The following PPP3R1 variants were observed in gnomAD, a reference collection of about 807,000 sequenced individuals.
The protein encoded by PPP3R1 is calcineurin subunit B type 1.
A neutral mutation model predicts 22.6 loss-of-function variants in PPP3R1; 5 were observed. That is an observed-to-expected ratio of 0.22 (90% confidence interval 0.12 to 0.46). The LOEUF (loss-of-function observed/expected upper bound fraction) is 0.46, where lower values mean the gene tolerates loss of function less well. Ranked by LOEUF, PPP3R1 falls within the 20% of genes least tolerant of loss-of-function variation. The pLI is 0.99. For missense variants in PPP3R1, 61 were observed against 203.2 expected, an observed-to-expected ratio of 0.30 and a Z score of 4.25; for synonymous variants, 56 against 65.2, an observed-to-expected ratio of 0.86 and a Z score of 0.68.
At chr2:68,210,093 C>A (rs1234716950) in intron 2 of PPP3R1, among the ~76,000 whole-genome samples, 1 of 152,160 alleles carries the variant, frequency 6.6e-6, no homozygotes, top group Non-Finnish European at 1.5e-5. Flanking sequence ...GCAAGCCCAG[C>A]CTCATGAAAC....
chr2:68,201,834 G>A lies in PPP3R1; in HGVS notation c.44-13144C>T, dbSNP rs148205055. On this transcript the variant is annotated intron_variant, in intron 2 of 5. Transcript: ENST00000234310. ...GCCTTCTACCAACTACTGCTGCTGT[G>A]AAGAAGTCCAATGCCAGCGGACTCC... Among the ~76,000 whole-genome samples the A allele has an allele frequency of 2.0e-5, 3 of 152,322 alleles. No individual in the cohort carries two copies. In the East Asian group the frequency reaches 5.8e-4, roughly 29 times the overall value.
At chr2:68,226,718 C>T (rs961956028) in intron 1 of PPP3R1, among the ~76,000 whole-genome samples, 4 of 152,038 alleles carry the variant, frequency 2.6e-5, no homozygotes, top group African/African-American at 9.7e-5. Flanking sequence ...TAACATTGTC[C>T]TAAATTTACT....
intron 2 of PPP3R1, among the ~76,000 whole-genome samples, chr2:68,201,588 G>A (rs936338685): frequency 6.6e-6 from 1 of 152,112 alleles, no homozygotes; most frequent in Non-Finnish European, 1.5e-5. Context: ...ATTTTCACTG[G>A]TGTGTTAGTT....
At chr2:68,218,929 A>C (rs1669631794) in intron 1 of PPP3R1, among the ~76,000 whole-genome samples, 1 of 152,164 alleles carries the variant, frequency 6.6e-6, no homozygotes, top group Admixed American at 6.5e-5. Context: ...CAACGTCCAC[A>C]AGACCTAAGA....
At chr2:68,250,456 A>T (rs921172777) in intron 1 of PPP3R1, among the ~76,000 whole-genome samples, 36 of 152,218 alleles carry the variant, frequency 2.4e-4, no homozygotes, top group Non-Finnish European at 2.9e-5. Context: ...TGTTCCTCAA[A>T]TGTGCTGTTT....
intron 1 of PPP3R1, among the ~76,000 whole-genome samples, chr2:68,220,912 A>G (rs1669676839): frequency 6.6e-6 from 1 of 152,172 alleles, no homozygotes. Context: ...ATGGTGAACA[A>G]TTACTTTTTG....
chr2:68,245,081 T>A (rs1260836533), intron 1 of PPP3R1, among the ~76,000 whole-genome samples: 1 of 152,216 alleles, frequency 6.6e-6, no homozygotes, highest in African/African-American at 2.4e-5. Context: ...TCAAATATTC[T>A]ACTTCTAGGC....
chr2:68,208,026 G>C (rs1254483508), intron 2 of PPP3R1, among the ~76,000 whole-genome samples: 1 of 152,042 alleles, frequency 6.6e-6, no homozygotes, highest in Non-Finnish European at 1.5e-5. Flanking sequence ...CGTGGTGGTG[G>C]GTGCCTGTAA....
intron 1 of PPP3R1, among the ~76,000 whole-genome samples, chr2:68,227,387 A>C (rs1208592417): frequency 6.6e-6 from 1 of 152,074 alleles, no homozygotes; most frequent in Non-Finnish European, 1.5e-5. Flanking sequence ...TAATGAAATT[A>C]ATTTTTTCTA....
At chr2:68,197,952 G>A (rs1003972610) in intron 2 of PPP3R1, among the ~76,000 whole-genome samples, 7 of 146,230 alleles carry the variant, frequency 4.8e-5, no homozygotes, top group East Asian at 2.1e-4. Flanking sequence ...TATGACCTAC[G>A]TTATATGCCT....
At chr2:68,227,844 T>C (rs1669816639) in intron 1 of PPP3R1, among the ~76,000 whole-genome samples, 1 of 152,134 alleles carries the variant, frequency 6.6e-6, no homozygotes, top group South Asian at 2.1e-4. Context: ...TCGCCGAACT[T>C]ATTCATTAGT....
Position 68,188,697 on chromosome 2 carries a change from GCAAA to G in PPP3R1, c.44-11_44-8del. On this transcript the variant is annotated splice_polypyrimidine_tract_variant and splice_region_variant and intron_variant, in intron 2 of 5. Coordinates refer to ENST00000234310, the MANE Select transcript of PPP3R1 (RefSeq NM_000945.4). ...TTAATTTCATCCGCATCAACTAAAA[GCAAA>G]CAAAAAAGGAAGCAAGAATTTTTTA... The G allele has an allele frequency of 6.4e-7, 1 of 1,570,514 alleles. No individual in the cohort carries two copies. Among genetic ancestry groups the G allele is most frequent in the Non-Finnish European group, 8.6e-7 (1 of 1,162,928 alleles).
chr2:68,234,107 G>A lies in PPP3R1; in HGVS notation c.4-16976C>T, dbSNP rs193233734. ...GCCTGTAATCCCAGCACTTTGGGAG[G>A]CCGAGGCCAGCAGATCACGAGGTCA... On this transcript the variant is annotated intron_variant, in intron 1 of 5. Coordinates refer to ENST00000234310, the MANE Select transcript of PPP3R1 (RefSeq NM_000945.4). Among the ~76,000 whole-genome samples, 348 of 152,266 alleles carry A rather than the reference G, an allele frequency of 2.3e-3. 10 individuals carry two copies. Among genetic ancestry groups the A allele is most frequent in the Admixed American group, 0.023 (346 of 15,288 alleles).
Position 68,186,665 on chromosome 2 carries a change from A to G in PPP3R1, c.281-13T>C. On this transcript the variant is annotated splice_polypyrimidine_tract_variant and intron_variant, in intron 4 of 5. Coordinates refer to ENST00000234310, the MANE Select transcript of PPP3R1 (RefSeq NM_000945.4). ...ATACGGAAAGCAACTAAAAAAAAGG[A>G]AGGAAAATCAATTCCAATTACAAAG... 1 of 1,581,802 alleles carries G rather than the reference A, an allele frequency of 6.3e-7. No individual in the cohort carries two copies. The highest frequency in any genetic ancestry group is 1.4e-5 in the African/African-American group (1 of 73,940).
intron 1 of PPP3R1, among the ~76,000 whole-genome samples, chr2:68,234,352 AAAG>A (rs1334345233): frequency 2.0e-5 from 3 of 152,152 alleles, no homozygotes; most frequent in African/African-American, 7.2e-5. Context: ...AAAAAAAAAA[AAAG>A]AAGCTTAAGC....
At chr2:68,182,070 A>ACCCCCCCCCCCCC (rs1674417139) in intron 5 of PPP3R1, among the ~76,000 whole-genome samples, 1 of 45,174 alleles carries the variant, frequency 2.2e-5, no homozygotes, top group African/African-American at 1.3e-4. Context: ...CCCCTCCTCC[A>ACCCCCCCCCCCCC]ACCCCCCCCT....
At chr2:68,194,429 A>T (rs1674728390) in intron 2 of PPP3R1, among the ~76,000 whole-genome samples, 1 of 152,106 alleles carries the variant, frequency 6.6e-6, no homozygotes, top group Non-Finnish European at 1.5e-5. Context: ...ATGTTGCTAC[A>T]CTAAATTTTA....
chr2:68,230,781 A>G (rs1218844988), intron 1 of PPP3R1, among the ~76,000 whole-genome samples: 1 of 152,106 alleles, frequency 6.6e-6, no homozygotes, highest in African/African-American at 2.4e-5. Context: ...CTCTAGATAC[A>G]GGTTTCTGAG....
chr2:68,199,590 A>AG (rs1444776487), intron 2 of PPP3R1, among the ~76,000 whole-genome samples: 3 of 152,226 alleles, frequency 2.0e-5, no homozygotes, highest in Non-Finnish European at 4.4e-5. Flanking sequence ...GTATGAACAA[A>AG]GTAAAGGTTT....
Sources: gnomAD v4.1 joint callset for allele counts (sites outside exome capture counted in the v4.1 genomes callset) on GRCh38, gnomAD v4.1.1 for gene constraint, MANE v1.5 for transcripts, NCBI Gene and HGNC (gene_info 2026-07-23, HGNC 2026-07-21) for gene names.